The following ABCA4 variants were observed in gnomAD, a reference collection of about 807,000 sequenced individuals.
ABCA4 encodes the protein retinal-specific phospholipid-transporting ATPase ABCA4.
Under a neutral mutation model 263.7 loss-of-function variants are expected in ABCA4, and 196 were observed. That is an observed-to-expected ratio of 0.74 (90% CI 0.66 to 0.84). The LOEUF is 0.84. ABCA4 is among the 40% of genes least tolerant of loss of function. The pLI, the probability that ABCA4 is intolerant of heterozygous loss-of-function variation, is 0.00. For synonymous variants in ABCA4, 1,133 were observed against 1,094.2 expected (o/e 1.04, Z -0.70); for missense variants, 2,792 against 2,855.1 (o/e 0.98, Z 0.50).
At position 94,031,829 on chromosome 1, in the gene ABCA4, C is replaced by T; in HGVS notation, c.4077G>A (p.Leu1359=). Reference sequence around the variant, plus strand: ...GGATGGTGTGTTGGAATCTCTTGACCAGCAGCGCCTGCACATGCTGGAGGA... The same window carrying T: ...GGATGGTGTGTTGGAATCTCTTGACTAGCAGCGCCTGCACATGCTGGAGGA... ...QLVLQHVQAL[L]VKRFQHTIRS... Residue 1359 remains leucine, a synonymous_variant, in exon 27 of 50, where the codon CTG becomes CTA. Transcript: ENST00000370225. 2 of 1,614,108 alleles carry T rather than the reference C, an allele frequency of 1.2e-6. No individual in the cohort carries two copies. The highest frequency in any genetic ancestry group is 1.7e-6 in the Non-Finnish European group (2 of 1,180,034).
chr1:94,090,713 T>C (rs1412288828), intron 6 of ABCA4, among the ~76,000 whole-genome samples: 1 of 152,242 alleles, frequency 6.6e-6, no homozygotes, highest in African/African-American at 2.4e-5. Flanking sequence ...GTAAACTCAT[T>C]AAGCATAGGA....
chr1:94,117,982 A>G (rs1234250975), intron 1 of ABCA4, among the ~76,000 whole-genome samples: 2 of 152,188 alleles, frequency 1.3e-5, no homozygotes, highest in Non-Finnish European at 2.9e-5. Context: ...GATAAATTAT[A>G]TGGCCACTCT....
At position 94,014,642 on chromosome 1, in the gene ABCA4, G is replaced by C; in HGVS notation, c.5361C>G (p.Val1787=). 6.2e-7 allele frequency: 1 copy of C among 1,614,206 alleles called. No individual in the cohort carries two copies. ...ATAAAGCCACATAGGCTGTGCTGGG[G>C]ACATCAAACAGGAAGGATGCTGGGT... ...MMYPASFLFD[V]PSTAYVALSC... Residue 1787 remains valine (V), a synonymous_variant, in exon 38 of 50, where the codon GTC becomes GTG. Transcript: ENST00000370225.
chr1:94,056,530 G>T, intron 15 of ABCA4, 71 bp downstream of exon 15: 1 of 1,504,914 alleles, frequency 6.6e-7, no homozygotes, highest in Non-Finnish European at 9.1e-7. Flanking sequence ...GGGCAGGCTG[G>T]GCCTCCAGGA....
At position 94,030,419 on chromosome 1, in the gene ABCA4, G is replaced by A. The variant is rs754601788; in HGVS notation, c.4352+9C>T. 9 of 1,613,882 alleles carry A rather than the reference G, an allele frequency of 5.6e-6. No homozygotes were observed. In the Middle Eastern group the frequency reaches 1.2e-3, roughly 207 times the overall value. On this transcript the variant is annotated intron_variant, in intron 29 of 49. Transcript: ENST00000370225. Reference sequence around the variant, plus strand: ...AGTCTTCTTAGGACAGGGGCGCGTAGGCACTTACGGAAGCCACCCTTCCTT... The same window carrying A: ...AGTCTTCTTAGGACAGGGGCGCGTAAGCACTTACGGAAGCCACCCTTCCTT...
intron 11 of ABCA4, among the ~76,000 whole-genome samples, chr1:94,064,383 T>C (rs1345386340): frequency 6.6e-6 from 1 of 152,200 alleles, no homozygotes; most frequent in Non-Finnish European, 1.5e-5. Context: ...AGCTAAGTCT[T>C]CCTGGAGGGA....
In ABCA4 at chr1:94,055,159, C is replaced by A. The variant is rs1390658269; in HGVS notation, c.2539G>T (p.Ala847Ser). The A allele has an allele frequency of 6.2e-7, 1 of 1,614,156 alleles. No individual in the cohort carries two copies. Among genetic ancestry groups the A allele is most frequent in the Admixed American group, 1.7e-5 (1 of 60,014 alleles). ...CAAGCGAGTAAGCCATAGACAGCAG[C>A]ATCAAGGAGCATCATCTGCATGGAC... ...LLSMQMMLLD[A>S]AVYGLLAWYL... The change falls in exon 16 of 50, where the codon GCT becomes TCT. Residue 847 changes from alanine to serine, a missense_variant. Ala to Ser is a moderately conservative substitution (Grantham distance 99). Coordinates refer to ENST00000370225, the MANE Select transcript of ABCA4 (RefSeq NM_000350.3).
chr1:94,056,768 C>T lies in ABCA4; in HGVS notation c.2215G>A (p.Ala739Thr), dbSNP rs1292586798. ...DPFILFLFLLAFSTATIMLCF... is the reference protein window; with the variant it reads ...DPFILFLFLLTFSTATIMLCF... ...AGCATGATGGTGGCAGTGGAGAAAG[C>T]CAACAAGAACAGGAAGAGGATGAAT... The change falls in exon 15 of 50, where the codon GCT (alanine) becomes ACT (threonine). Residue 739 changes from alanine to threonine, a missense_variant. Coordinates refer to ENST00000370225, the MANE Select transcript of ABCA4 (RefSeq NM_000350.3). The T allele has an allele frequency of 5.0e-6, 8 of 1,613,200 alleles. No individual in the cohort carries two copies. The highest frequency in any genetic ancestry group is 1.7e-5 in the Admixed American group (1 of 59,940).
intron 1 of ABCA4, among the ~76,000 whole-genome samples, chr1:94,114,769 G>A (rs1405534522): frequency 6.6e-6 from 1 of 152,190 alleles, no homozygotes; most frequent in Admixed American, 6.5e-5. Context: ...TTACAGGCGT[G>A]AGCCACCGCG....
At chr1:94,024,899 G>A in intron 31 of ABCA4, 55 bp downstream of exon 31, 1 of 1,414,160 alleles carries the variant, frequency 7.1e-7, no homozygotes, top group Non-Finnish European at 1.0e-6. Flanking sequence ...TCTGTCCCTA[G>A]TTAATATCTT....
At chr1:93,996,608 G>A (rs1557757000) in intron 48 of ABCA4, among the ~76,000 whole-genome samples, 1 of 152,154 alleles carries the variant, frequency 6.6e-6, no homozygotes, top group Non-Finnish European at 1.5e-5. Flanking sequence ...AGGTGCAGGT[G>A]AGCCAGATCC....
At chr1:94,027,733 T>C (rs1020290605) in intron 30 of ABCA4, among the ~76,000 whole-genome samples, 2 of 152,202 alleles carry the variant, frequency 1.3e-5, no homozygotes, top group African/African-American at 4.8e-5. Context: ...GCCTTAGCCA[T>C]AGCCTTTTTT....
At chr1:94,087,586 G>A (rs939549353) in intron 6 of ABCA4, among the ~76,000 whole-genome samples, 2 of 152,174 alleles carry the variant, frequency 1.3e-5, no homozygotes, top group African/African-American at 2.4e-5. Context: ...GGTGTTTGGA[G>A]GTCACCAGAT....
chr1:94,003,360 T>A (rs1392387955), intron 44 of ABCA4, among the ~76,000 whole-genome samples: 2 of 152,122 alleles, frequency 1.3e-5, no homozygotes, highest in Admixed American at 6.5e-5. Context: ...TCTCCTTTTT[T>A]TTTTTTTAAG....
intron 26 of ABCA4, 27 bp from the exon 27 acceptor site, chr1:94,032,070 T>C: frequency 6.2e-7 from 1 of 1,604,398 alleles, no homozygotes; most frequent in Non-Finnish European, 8.5e-7. Flanking sequence ...AATTAATAAT[T>C]TGGAAAATGC....
intron 18 of ABCA4, among the ~76,000 whole-genome samples, chr1:94,048,586 T>C (rs536739000): frequency 6.6e-6 from 1 of 152,374 alleles, no homozygotes; most frequent in Admixed American, 6.5e-5. Flanking sequence ...GTCAGCACAT[T>C]TGTGCAACTC....
chr1:94,100,090 C>T (rs1407259114), intron 5 of ABCA4, among the ~76,000 whole-genome samples: 1 of 152,184 alleles, frequency 6.6e-6, no homozygotes, highest in Non-Finnish European at 1.5e-5. Context: ...GCTCTCTGGG[C>T]TGGAGGGCAG....
rs146424208 is a variant in ABCA4 at position 94,115,756 on chromosome 1, T to TCA, written c.67-2692_67-2691dup. The stretch of plus-strand genomic sequence containing the variant: ...ATTGCCTTACAGGGTTGTCGCAAGA[T>TCA]CACAGGGTTGTTGCAAAGGCAGAAG... On this transcript the variant is annotated intron_variant, in intron 1 of 49. Transcript: ENST00000370225. Among the ~76,000 whole-genome samples, 1,130 of 152,334 alleles carry TCA rather than the reference T, an allele frequency of 7.4e-3. 20 individuals are homozygous for TCA. The highest frequency in any genetic ancestry group is 0.026 in the African/African-American group (1,076 of 41,554).
At position 94,080,523 on chromosome 1, in the gene ABCA4, C is replaced by G; in HGVS notation, c.1054G>C (p.Asp352His). The G allele has an allele frequency of 6.2e-7, 1 of 1,614,120 alleles. No individual in the cohort carries two copies. Residue 352 changes from aspartate (D) to histidine (H), a missense_variant, in exon 8 of 50, where the codon GAC (aspartate) becomes CAC (histidine). By Grantham distance (81) the Asp-to-His change is moderately conservative (BLOSUM62 -1). Coordinates refer to ENST00000370225, the MANE Select transcript of ABCA4 (RefSeq NM_000350.3). ...TAGATAGGATCCTTCCTTGTGGAGTCAATCCCCAGAAAGGCCTTATAGTTA... is the reference window on the plus strand; with the variant it reads ...TAGATAGGATCCTTCCTTGTGGAGTGAATCCCCAGAAAGGCCTTATAGTTA... ...DNNYKAFLGI[D>H]STRKDPIYSY... is the part of the protein sequence containing the mutation.
Sources: gnomAD v4.1 joint callset for allele counts (sites outside exome capture counted in the v4.1 genomes callset) on GRCh38, gnomAD v4.1.1 for gene constraint, MANE v1.5 for transcripts, NCBI Gene and HGNC (gene_info 2026-07-23, HGNC 2026-07-21) for gene names.